ARVCF: variants seen among roughly 807,000 people sequenced by gnomAD.
ARVCF encodes the protein ARVCF delta catenin family member, also known as splicing regulator ARVCF.
In ARVCF, 66 loss-of-function variants were observed where a neutral mutation model predicts 90.9. The observed-to-expected ratio is 0.73, with a 90% CI of 0.60 to 0.89. The LOEUF (loss-of-function observed/expected upper bound fraction) is 0.89, where lower values mean the gene tolerates loss of function less well. Ranked by LOEUF, ARVCF falls within the 40% of genes least tolerant of loss-of-function variation. ARVCF has a pLI of 0.00. For synonymous variants in ARVCF, 653 were observed against 603.4 expected (o/e 1.08, Z -1.21); for missense variants, 1,469 against 1,382.3 (o/e 1.06, Z -1.00).
In ARVCF at chr22:19,982,086, C is replaced by T. The variant is rs1435014862; in HGVS notation, c.216G>A (p.Gln72=). The change falls in exon 4 of 20, where the codon CAG becomes CAA. Residue 72 remains glutamine, a synonymous_variant. Transcript: ENST00000263207. ...CCAGTGAGGCCTGGCTGCCTGGGCT[C>T]TGCTCCTGGGGCAAGGAGGGACATT... is the stretch of plus-strand genomic sequence containing the variant. ...MAWQQLVLQE[Q]SPGSQASLAT... is the part of the protein sequence containing the mutation. 2 of 1,611,112 alleles carry T rather than the reference C, an allele frequency of 1.2e-6. No homozygotes were observed. The highest frequency in any genetic ancestry group is 2.2e-5 in the East Asian group (1 of 44,874).
chr22:19,981,138 G>T, intron 5 of ARVCF, 73 bp downstream of exon 5: 1 of 1,441,530 alleles, frequency 6.9e-7, no homozygotes, highest in Non-Finnish European at 9.2e-7. Flanking sequence ...TGACAAGTGG[G>T]GCACTCTGTA....
intron 3 of ARVCF, among the ~76,000 whole-genome samples, chr22:19,984,695 G>A (rs532823684): frequency 1.3e-5 from 2 of 152,124 alleles, no homozygotes; most frequent in South Asian, 2.1e-4. Context: ...CCAAGGGCAC[G>A]GCGCCCACTG....
Position 19,977,453 on chromosome 22 carries a change from C to T in ARVCF, c.1832G>A (p.Arg611Gln), listed in dbSNP as rs199865655. 276 of 1,558,572 alleles carry T rather than the reference C, an allele frequency of 1.8e-4. No individual in the cohort carries two copies. The highest frequency in any genetic ancestry group is 2.2e-4 in the Non-Finnish European group (259 of 1,152,608). ...GCCTCCAAAGCAGCTGGCATCATCC[C>T]GCCTCCGGCGCTGGGAGCCTACAGC... ...GSAVGSQRRRRDDASCFGGKK... is the reference protein window; with the variant it reads ...GSAVGSQRRRQDDASCFGGKK... Residue 611 changes from arginine (R) to glutamine (Q), a missense_variant, in exon 9 of 20, where the codon CGG becomes CAG. Physicochemically the swap from Arg to Gln is conservative, Grantham distance 43 (BLOSUM62 1). Coordinates refer to ENST00000263207, the MANE Select transcript of ARVCF (RefSeq NM_001670.3).
At chr22:19,978,701 T>C (rs2146291037) in intron 7 of ARVCF, among the ~76,000 whole-genome samples, 196 bp downstream of exon 7, 1 of 152,056 alleles carries the variant, frequency 6.6e-6, no homozygotes, top group Admixed American at 6.5e-5. Flanking sequence ...AGGGTGCCCC[T>C]GGGAAGACTG....
downstream of ARVCF, chr22:19,968,889 G>C (rs1376432240): frequency 4.4e-6 from 3 of 678,904 alleles, no homozygotes; most frequent in South Asian, 5.0e-5. Context: ...TAACCTCTCT[G>C]AACTGCAACA....
At chr22:19,965,705 G>A (rs1305188938), downstream of ARVCF, 1 of 152,312 alleles carries the variant, frequency 6.6e-6, no homozygotes, top group Non-Finnish European at 1.5e-5. Context: ...TGTCAGCCTT[G>A]TGGAGTGTGG....
At chr22:19,972,541 T>C (rs1942875494) in intron 16 of ARVCF, 130 bp from the exon 17 acceptor site, 2 of 1,273,536 alleles carry the variant, frequency 1.6e-6, no homozygotes, top group East Asian at 5.0e-5. Flanking sequence ...CTCTGCCAGC[T>C]GGCAGCCTCA....
chr22:19,972,711 T>C, intron 16 of ARVCF, 26 bp downstream of exon 16: 1 of 1,583,940 alleles, frequency 6.3e-7, no homozygotes. Context: ...CGCCACCCTC[T>C]AGGCTCCCTA....
In ARVCF at chr22:20,006,820, CG is replaced by C. The variant is rs370294511; in HGVS notation, c.-19+3634del. Reference sequence around the variant, plus strand: ...CTAATTTTTGTATTTTTAGTAGAGACGGGGTTTCACCATGTTGACCAGGATG... The same window carrying C: ...CTAATTTTTGTATTTTTAGTAGAGACGGGTTTCACCATGTTGACCAGGATG... On this transcript the variant is annotated intron_variant, in intron 2 of 19. Transcript: ENST00000263207. 5.1e-4 allele frequency among the ~76,000 whole-genome samples: 78 copies of C among 151,478 alleles called. No individual in the cohort carries two copies. In the East Asian group the frequency reaches 0.016, roughly 30 times the overall value.
At chr22:19,979,577 GT>G (rs1039697597) in intron 6 of ARVCF, among the ~76,000 whole-genome samples, 165 bp downstream of exon 6, 5 of 152,224 alleles carry the variant, frequency 3.3e-5, no homozygotes, top group African/African-American at 1.2e-4. Context: ...CTGTCACAGT[GT>G]CTGGGCCTGA....
At chr22:19,984,778 G>C (rs1020075586) in intron 3 of ARVCF, among the ~76,000 whole-genome samples, 8 of 152,140 alleles carry the variant, frequency 5.3e-5, no homozygotes, top group Admixed American at 2.0e-4. Context: ...ATCCATGCAG[G>C]GCCTCACAGA....
At chr22:19,991,392 C>T (rs1944020341) in intron 2 of ARVCF, among the ~76,000 whole-genome samples, 1 of 152,238 alleles carries the variant, frequency 6.6e-6, no homozygotes, top group African/African-American at 2.4e-5. Context: ...GTCTGCAGAC[C>T]AGCAGTCCAG....
In ARVCF at chr22:19,972,420, C is replaced by A; in HGVS notation, c.2642-9G>T. On this transcript the variant is annotated splice_polypyrimidine_tract_variant and intron_variant, in intron 16 of 19. Coordinates refer to ENST00000263207, the MANE Select transcript of ARVCF (RefSeq NM_001670.3). ...GCCAGTTTTCTCGCCCTCTGCAAGG[C>A]AGGAGGAGGAGACGGGCTGCATGTG... is the stretch of plus-strand genomic sequence containing the variant. 1 of 1,613,380 alleles carries A rather than the reference C, an allele frequency of 6.2e-7. No homozygotes were observed. The highest frequency in any genetic ancestry group is 8.5e-7 in the Non-Finnish European group (1 of 1,179,914).
intron 5 of ARVCF, 165 bp from the exon 6 acceptor site, chr22:19,980,407 C>T (rs1943428724): frequency 9.0e-7 from 1 of 1,107,760 alleles, no homozygotes; most frequent in Non-Finnish European, 1.2e-6. Context: ...GAGAGTCATG[C>T]ACCAGCCCAG....
Position 19,972,754 on chromosome 22 carries a change from A to C in ARVCF, c.2624T>G (p.Leu875Arg). 6.2e-7 allele frequency: 1 copy of C among 1,612,172 alleles called. No homozygotes were observed. Among genetic ancestry groups the C allele is most frequent in the Non-Finnish European group, 8.5e-7 (1 of 1,179,054 alleles). ...PGGFDDSTLP[L>R]VDKSLEGEKT... ...CCACTCACCAAGGCTCTTGTCCACC[A>C]GTGGCAGCGTGCTGTCATCGAAGCC... Residue 875 changes from leucine (L) to arginine (R), a missense_variant, in exon 16 of 20, where the codon CTG becomes CGG. By Grantham distance (102) the Leu-to-Arg change is moderately radical. Coordinates refer to ENST00000263207, the MANE Select transcript of ARVCF (RefSeq NM_001670.3).
chr22:19,968,432 C>T, downstream of ARVCF: 1 of 1,128,092 alleles, frequency 8.9e-7, no homozygotes, highest in Non-Finnish European at 1.3e-6. Flanking sequence ...GGGCTAGGCA[C>T]AGGCGTGGTG....
At chr22:19,974,884 A>G (rs1943063996) in intron 11 of ARVCF, among the ~76,000 whole-genome samples, 1 of 152,146 alleles carries the variant, frequency 6.6e-6, no homozygotes, top group Non-Finnish European at 1.5e-5. Flanking sequence ...TGCTCTGCCC[A>G]GTGCTCCAGA....
chr22:20,001,275 T>G (rs1189773217), intron 2 of ARVCF, among the ~76,000 whole-genome samples: 1 of 152,134 alleles, frequency 6.6e-6, no homozygotes, highest in African/African-American at 2.4e-5. Flanking sequence ...ATGAGGTTCC[T>G]CTGAGACAGG....
Position 19,981,947 on chromosome 22 carries a change from G to A in ARVCF, c.355C>T (p.Arg119Cys), listed in dbSNP as rs754446500. 9.4e-6 allele frequency: 15 copies of A among 1,603,676 alleles called. No individual in the cohort carries two copies. The highest frequency in any genetic ancestry group is 1.7e-4 in the Middle Eastern group (1 of 6,058). The change falls in exon 4 of 20, where the codon CGC becomes TGC. Residue 119 changes from arginine (R) to cysteine (C), a missense_variant. Physicochemically the swap from Arg to Cys is radical, Grantham distance 180 (BLOSUM62 -3). Transcript: ENST00000263207. ...IVTSEDGTTR[R>C]TETKVTKTVK... ...CCTGGCCATACCTTGGTCTCGGTGCGCCGGGTTGTGCCATCTTCGGATGTG... is the reference window on the plus strand; with the variant it reads ...CCTGGCCATACCTTGGTCTCGGTGCACCGGGTTGTGCCATCTTCGGATGTG...
Sources: allele counts gnomAD v4.1 joint callset (sites outside exome capture counted in the v4.1 genomes callset), GRCh38; gene constraint gnomAD v4.1.1; transcripts MANE v1.5; gene names NCBI Gene and HGNC (gene_info 2026-07-23, HGNC 2026-07-21).